Variants in MAD1L1 observed in about 807,000 individuals in gnomAD.
MAD1L1 encodes the protein mitotic arrest deficient 1 like 1.
MAD1L1 carries 95 observed loss-of-function variants against 96.9 expected under a neutral mutation model. That is an observed-to-expected ratio of 0.98 (90% CI 0.83 to 1.16). MAD1L1 has a LOEUF of 1.16. Among genes scored for constraint, MAD1L1 ranks in the 50% most tolerant of loss-of-function variants. The pLI is 0.00. For synonymous variants in MAD1L1, 473 were observed against 396.6 expected, an observed-to-expected ratio of 1.19 and a Z score of -2.29; for missense variants, 1,007 against 954.4, an observed-to-expected ratio of 1.06 and a Z score of -0.73.
chr7:2,134,280 T>A (rs1054574910), intron 11 of MAD1L1, among the ~76,000 whole-genome samples: 1 of 152,220 alleles, frequency 6.6e-6, no homozygotes, highest in Non-Finnish European at 1.5e-5. Flanking sequence ...GGTGTTGATT[T>A]CAAATTCCCT....
chr7:2,003,344 T>A (rs76821048), intron 13 of MAD1L1, among the ~76,000 whole-genome samples: 2,231 of 152,088 alleles, frequency 0.015, 71 homozygotes, highest in African/African-American at 0.051. Context: ...GGGAAGTATG[T>A]TTGGAGACAC....
At chr7:1,980,938 G>A (rs1780876920) in intron 14 of MAD1L1, 1 of 358,518 alleles carries the variant, frequency 2.8e-6, no homozygotes, top group East Asian at 7.5e-5. Flanking sequence ...AACAGCGTGA[G>A]ATGCTGCACC....
intron 18 of MAD1L1, among the ~76,000 whole-genome samples, chr7:1,857,542 G>T (rs904055368): frequency 6.6e-6 from 1 of 152,230 alleles, no homozygotes; most frequent in Admixed American, 6.5e-5. Context: ...CATCTTTTGA[G>T]TTTCTGCCCT....
At chr7:2,219,643 G>A (rs1228827122) in intron 5 of MAD1L1, among the ~76,000 whole-genome samples, 187 bp from the exon 6 acceptor site, 1 of 116,226 alleles carries the variant, frequency 8.6e-6, no homozygotes, top group Non-Finnish European at 2.0e-5. Flanking sequence ...GGGCAGAGCG[G>A]TAGGGGGGCA....
At chr7:1,938,955 C>G (rs1465866035) in intron 16 of MAD1L1, among the ~76,000 whole-genome samples, 1 of 138,906 alleles carries the variant, frequency 7.2e-6, no homozygotes, top group Non-Finnish European at 1.5e-5. Context: ...GGACCAGAGG[C>G]GCACACACAC....
chr7:2,039,072 G>A (rs1020662793), intron 12 of MAD1L1, among the ~76,000 whole-genome samples: 5 of 152,200 alleles, frequency 3.3e-5, no homozygotes, highest in African/African-American at 9.7e-5. Flanking sequence ...CCATCCACAG[G>A]CTGTCTATCA....
intron 12 of MAD1L1, among the ~76,000 whole-genome samples, chr7:2,054,348 C>T (rs188674443): frequency 2.3e-4 from 35 of 152,298 alleles, no homozygotes; most frequent in South Asian, 2.1e-4. Context: ...AGGCGGTCCA[C>T]GCTCCCACAA....
At chr7:1,841,490 G>A (rs1318135240) in intron 18 of MAD1L1, among the ~76,000 whole-genome samples, 1 of 152,230 alleles carries the variant, frequency 6.6e-6, no homozygotes. Flanking sequence ...ACCGGCTGCT[G>A]AGCCTCCTGA....
chr7:1,972,002 A>G (rs1278899443), intron 15 of MAD1L1, among the ~76,000 whole-genome samples: 1 of 152,160 alleles, frequency 6.6e-6, no homozygotes, highest in Non-Finnish European at 1.5e-5. Flanking sequence ...TCTTTACCCA[A>G]TCTCCCTCGA....
chr7:1,828,629 C>T (rs576242572), intron 18 of MAD1L1, among the ~76,000 whole-genome samples: 19 of 152,318 alleles, frequency 1.2e-4, no homozygotes, highest in Admixed American at 9.1e-4. Flanking sequence ...TAAACCGAGA[C>T]CCAGAGAACC....
intron 16 of MAD1L1, among the ~76,000 whole-genome samples, chr7:1,953,121 C>A (rs1019663657): frequency 6.6e-6 from 1 of 152,132 alleles, no homozygotes; most frequent in Non-Finnish European, 1.5e-5. Context: ...GTGAGGAGGT[C>A]TGAGGAGAGG....
intron 12 of MAD1L1, among the ~76,000 whole-genome samples, chr7:2,065,927 A>G (rs1406067509): frequency 2.6e-5 from 4 of 152,234 alleles, no homozygotes; most frequent in Admixed American, 1.3e-4. Context: ...CTCTGCAGCC[A>G]TACTGCGGAA....
At position 1,826,743 on chromosome 7, in the gene MAD1L1, G is replaced by A. The variant is rs1323377014; in HGVS notation, c.1999-10515C>T. On this transcript the variant is annotated intron_variant, in intron 18 of 18. Transcript: ENST00000265854. Reference sequence around the variant, plus strand: ...GTCCCGGCATGAAGTTCCAAAGAACGGAAGCTGGCAAAAAGTGTGTCCGGC... The same window carrying A: ...GTCCCGGCATGAAGTTCCAAAGAACAGAAGCTGGCAAAAAGTGTGTCCGGC... Among the ~76,000 whole-genome samples the A allele has an allele frequency of 3.3e-5, 5 of 152,254 alleles. No individual in the cohort carries two copies. In the South Asian group the frequency reaches 6.2e-4, roughly 19 times the overall value.
intron 10 of MAD1L1, among the ~76,000 whole-genome samples, chr7:2,178,097 T>C (rs1791028647): frequency 6.6e-6 from 1 of 152,266 alleles, no homozygotes; most frequent in Admixed American, 6.5e-5. Flanking sequence ...TTGTGGATGC[T>C]GGTTTTATGT....
intron 16 of MAD1L1, among the ~76,000 whole-genome samples, chr7:1,944,620 G>A (rs1403417491): frequency 6.6e-6 from 1 of 152,148 alleles, no homozygotes; most frequent in Non-Finnish European, 1.5e-5. Context: ...TATCCTGCTT[G>A]GGCTGGGAAA....
chr7:1,976,325 C>T (rs117148451), intron 15 of MAD1L1, among the ~76,000 whole-genome samples: 333 of 152,294 alleles, frequency 2.2e-3, no homozygotes, highest in South Asian at 7.5e-3. Flanking sequence ...TTCCGATGTT[C>T]GGACATGTTC....
intron 14 of MAD1L1, among the ~76,000 whole-genome samples, chr7:1,998,536 G>A (rs1378861728): frequency 6.6e-6 from 1 of 152,196 alleles, no homozygotes; most frequent in Non-Finnish European, 1.5e-5. Context: ...CCAGCGTGTT[G>A]ACACACAGAA....
At chr7:2,159,868 A>G (rs1248609098) in intron 10 of MAD1L1, among the ~76,000 whole-genome samples, 1 of 152,220 alleles carries the variant, frequency 6.6e-6, no homozygotes, top group Non-Finnish European at 1.5e-5. Flanking sequence ...AGCGGACTAT[A>G]AGTATGCTAT....
intron 6 of MAD1L1, among the ~76,000 whole-genome samples, chr7:2,218,679 G>C (rs574517768): frequency 7.9e-5 from 12 of 152,340 alleles, no homozygotes; most frequent in Middle Eastern, 6.8e-3. Context: ...GGCTGAGGCA[G>C]GAGGATCGCT....
Sources: allele counts gnomAD v4.1 joint callset (sites outside exome capture counted in the v4.1 genomes callset), GRCh38; gene constraint gnomAD v4.1.1; transcripts MANE v1.5; gene names NCBI Gene and HGNC (gene_info 2026-07-23, HGNC 2026-07-21).